The following SHC3 variants were observed in gnomAD, a reference collection of about 807,000 sequenced individuals.
The protein encoded by SHC3 is SHC adaptor protein 3.
In SHC3, 15 loss-of-function variants were observed where a neutral mutation model predicts 60.4. That is an observed-to-expected ratio of 0.25 (90% CI 0.17 to 0.38). SHC3 has a LOEUF of 0.38. Among genes scored for constraint, SHC3 ranks in the 10% least tolerant of loss-of-function variants. The pLI is 1.00. For synonymous variants in SHC3, 294 were observed against 325.9 expected, an observed-to-expected ratio of 0.90 and a Z score of 1.05; for missense variants, 677 against 786.1, an observed-to-expected ratio of 0.86 and a Z score of 1.66.
intron 1 of SHC3, among the ~76,000 whole-genome samples, chr9:89,169,804 T>TTA (rs1370942910): frequency 6.6e-6 from 1 of 152,186 alleles, no homozygotes; most frequent in Non-Finnish European, 1.5e-5. Context: ...TTTGTTGTGT[T>TTA]TATATGTTTC....
At chr9:89,104,014 A>C (rs994820763) in intron 2 of SHC3, among the ~76,000 whole-genome samples, 1 of 152,222 alleles carries the variant, frequency 6.6e-6, no homozygotes, top group African/African-American at 2.4e-5. Flanking sequence ...TGCTTCTGGC[A>C]TGAGGATTAT....
rs1181461494 is a variant in SHC3, at chr9:89,090,065, C to T, written c.546-12162G>A. On this transcript the variant is annotated intron_variant, in intron 2 of 11. Transcript: ENST00000375835. Reference sequence around the variant, plus strand: ...GCCAGCATGGATAAATCACGGTCAGCGAGGCCCTGCAGACAGCATCTCATT... The same window carrying T: ...GCCAGCATGGATAAATCACGGTCAGTGAGGCCCTGCAGACAGCATCTCATT... 3.9e-5 allele frequency among the ~76,000 whole-genome samples: 6 copies of T among 152,202 alleles called. No homozygotes were observed. In the East Asian group the frequency reaches 5.8e-4, roughly 15 times the overall value.
chr9:89,140,946 G>T (rs1826384860), intron 1 of SHC3, among the ~76,000 whole-genome samples: 1 of 152,252 alleles, frequency 6.6e-6, no homozygotes, highest in Non-Finnish European at 1.5e-5. Context: ...ATATAGTTTA[G>T]ATATCCATAT....
chr9:89,066,432 C>A (rs1466496655), intron 5 of SHC3, among the ~76,000 whole-genome samples: 1 of 152,174 alleles, frequency 6.6e-6, no homozygotes, highest in Non-Finnish European at 1.5e-5. Context: ...GAAGTCTCAT[C>A]CTTCCATATG....
intron 1 of SHC3, among the ~76,000 whole-genome samples, chr9:89,139,559 T>C (rs1587748576): frequency 6.6e-6 from 1 of 152,314 alleles, no homozygotes; most frequent in East Asian, 1.9e-4. Context: ...ATGAGTTGTG[T>C]CAATTCCTTT....
chr9:89,027,627 T>C (rs1826342068), intron 11 of SHC3, among the ~76,000 whole-genome samples: 1 of 152,164 alleles, frequency 6.6e-6, no homozygotes, highest in Non-Finnish European at 1.5e-5. Context: ...CCGGCCAAAA[T>C]GCTGATTTTT....
intron 1 of SHC3, among the ~76,000 whole-genome samples, chr9:89,131,588 G>T (rs376583715): frequency 6.6e-6 from 1 of 152,168 alleles, no homozygotes; most frequent in Admixed American, 6.5e-5. Flanking sequence ...TCCCCAGGAC[G>T]CAAGGCTGGT....
chr9:89,024,572 T>G (rs959240003), intron 11 of SHC3, among the ~76,000 whole-genome samples: 7 of 152,238 alleles, frequency 4.6e-5, no homozygotes, highest in Non-Finnish European at 1.0e-4. Flanking sequence ...GTTACTGACC[T>G]CTCTGTAAGA....
Position 89,144,892 on chromosome 9 carries a change from C to A in SHC3, c.475-32266G>T, listed in dbSNP as rs146421201. ...TGTGGGGATGCCCTCTCACTCCACA[C>A]CATACAGGGCTGGCGAGGATATATC... On this transcript the variant is annotated intron_variant, in intron 1 of 11. Transcript: ENST00000375835. Among the ~76,000 whole-genome samples, 763 of 152,180 alleles carry A rather than the reference C, an allele frequency of 5.0e-3. 10 individuals are homozygous for A. Among genetic ancestry groups the A allele is most frequent in the African/African-American group, 0.018 (738 of 41,508 alleles).
intron 2 of SHC3, among the ~76,000 whole-genome samples, chr9:89,093,278 C>G (rs1340093592): frequency 6.6e-6 from 1 of 152,078 alleles, no homozygotes; most frequent in Non-Finnish European, 1.5e-5. Context: ...TACAGAATTG[C>G]ATAGAATGGT....
chr9:89,159,511 T>TGTCA (rs1003797355), intron 1 of SHC3, among the ~76,000 whole-genome samples: 2 of 152,094 alleles, frequency 1.3e-5, no homozygotes, highest in Admixed American at 1.3e-4. Context: ...AGAGGGCAAA[T>TGTCA]GTCACCCAGA....
At chr9:89,165,845 A>G (rs1024703985) in intron 1 of SHC3, among the ~76,000 whole-genome samples, 2 of 152,182 alleles carry the variant, frequency 1.3e-5, no homozygotes, top group African/African-American at 4.8e-5. Context: ...ACCTGGGTAG[A>G]TGTTTCAGTA....
intron 2 of SHC3, among the ~76,000 whole-genome samples, chr9:89,089,895 C>G: frequency 6.6e-6 from 1 of 152,214 alleles, no homozygotes; most frequent in East Asian, 1.9e-4. Flanking sequence ...ACGGCTCAGG[C>G]AAGGCAGAGT....
chr9:89,092,175 T>C (rs1825630756), intron 2 of SHC3, among the ~76,000 whole-genome samples: 1 of 152,252 alleles, frequency 6.6e-6, no homozygotes, highest in African/African-American at 2.4e-5. Flanking sequence ...AGGAGTCATC[T>C]GCAGCGGCCC....
chr9:89,018,207 C>T (rs1384435739), intron 11 of SHC3, among the ~76,000 whole-genome samples: 2 of 152,188 alleles, frequency 1.3e-5, no homozygotes, highest in Non-Finnish European at 2.9e-5. Context: ...TTTATTGCAG[C>T]ACTGTTCACA....
chr9:89,020,268 G>A (rs566753001), intron 11 of SHC3, among the ~76,000 whole-genome samples: 1 of 151,846 alleles, frequency 6.6e-6, no homozygotes, highest in Admixed American at 6.5e-5. Context: ...CAGGGGGTTG[G>A]AAGGTGGAAG....
intron 1 of SHC3, among the ~76,000 whole-genome samples, chr9:89,171,789 C>T (rs1826872902): frequency 6.6e-6 from 1 of 152,222 alleles, no homozygotes; most frequent in Admixed American, 6.5e-5. Context: ...ATCTAGGCTT[C>T]ACTGCAGATC....
intron 11 of SHC3, among the ~76,000 whole-genome samples, chr9:89,031,463 T>C (rs1347510411): frequency 6.6e-6 from 1 of 152,206 alleles, no homozygotes; most frequent in East Asian, 1.9e-4. Flanking sequence ...GATTTTTTCA[T>C]CCTGAACTTT....
At chr9:89,019,454 A>G (rs963888520) in intron 11 of SHC3, among the ~76,000 whole-genome samples, 16 of 152,222 alleles carry the variant, frequency 1.1e-4, no homozygotes, top group African/African-American at 3.9e-4. Flanking sequence ...CTGATTGGGA[A>G]GTAAAAAATG....
Sources: allele counts gnomAD v4.1 joint callset (sites outside exome capture counted in the v4.1 genomes callset), GRCh38; gene constraint gnomAD v4.1.1; transcripts MANE v1.5; gene names NCBI Gene and HGNC (gene_info 2026-07-23, HGNC 2026-07-21).